The following SMARCA2 variants were observed in gnomAD, a reference collection of about 807,000 sequenced individuals.
SMARCA2 encodes the protein SWI/SNF-related matrix-associated actin-dependent regulator of chromatin subfamily A member 2.
SMARCA2 carries 61 observed loss-of-function variants against 199.8 expected under a neutral mutation model. The ratio of observed to expected loss-of-function variants is 0.31; its 90% CI spans 0.25 to 0.38. The LOEUF (loss-of-function observed/expected upper bound fraction) is 0.38, where lower values mean the gene tolerates loss of function less well. SMARCA2 is among the 10% of genes least tolerant of loss of function. The pLI is 1.00. For missense variants in SMARCA2, 1,344 were observed against 2,012.2 expected, an observed-to-expected ratio of 0.67 and a Z score of 6.35; for synonymous variants, 935 against 732.0, an observed-to-expected ratio of 1.28 and a Z score of -4.48.
At position 2,065,029 on chromosome 9, in the gene SMARCA2, C is replaced by CA. The variant is rs571191978; in HGVS notation, c.1692+4049dup. Among the ~76,000 whole-genome samples the CA allele has an allele frequency of 5.2e-4, 79 of 152,140 alleles. 1 individual carries two copies. The East Asian group carries it at 0.014, about 27-fold the overall frequency. Reference sequence around the variant, plus strand: ...GAAACCCCATCTCTACTAAAAAATACAAAAAATTAGCCGGGCGTGGTGGCA... The same window carrying CA: ...GAAACCCCATCTCTACTAAAAAATACAAAAAAATTAGCCGGGCGTGGTGGCA... On this transcript the variant is annotated intron_variant, in intron 9 of 33. Coordinates refer to ENST00000349721, the MANE Select transcript of SMARCA2 (RefSeq NM_003070.5).
chr9:2,186,276 G>A, intron 32 of SMARCA2, 48 bp downstream of exon 32: 1 of 1,566,148 alleles, frequency 6.4e-7, no homozygotes, highest in Non-Finnish European at 8.7e-7. Context: ...CTCCTCACCT[G>A]CATAGCTGTC....
intron 27 of SMARCA2, among the ~76,000 whole-genome samples, chr9:2,156,097 C>T (rs1208463409): frequency 6.6e-6 from 1 of 152,178 alleles, no homozygotes; most frequent in African/African-American, 2.4e-5. Flanking sequence ...GTGCTATACA[C>T]AGTTATTTTC....
At chr9:2,127,388 C>G (rs1365802613) in intron 27 of SMARCA2, among the ~76,000 whole-genome samples, 2 of 152,146 alleles carry the variant, frequency 1.3e-5, no homozygotes, top group Non-Finnish European at 2.9e-5. Flanking sequence ...AGATGGACCT[C>G]AACATGCCCT....
chr9:2,062,359 A>G (rs981603895), intron 9 of SMARCA2, among the ~76,000 whole-genome samples: 3 of 152,186 alleles, frequency 2.0e-5, no homozygotes, highest in Non-Finnish European at 2.9e-5. Context: ...AGAGGTTGTC[A>G]CTGTTAGTGT....
chr9:2,026,402 T>A (rs1291159495), intron 1 of SMARCA2, among the ~76,000 whole-genome samples: 1 of 152,188 alleles, frequency 6.6e-6, no homozygotes, highest in Non-Finnish European at 1.5e-5. Flanking sequence ...GTTTTCCCTC[T>A]AAGACGTTTT....
At chr9:2,184,859 TCTCG>T in intron 31 of SMARCA2, among the ~76,000 whole-genome samples, 1 of 152,070 alleles carries the variant, frequency 6.6e-6, no homozygotes, top group East Asian at 1.9e-4. Context: ...CCTCTCTCTC[TCTCG>T]CGCGGGTCCT....
chr9:2,159,915 T>C, intron 27 of SMARCA2: 1 of 1,609,278 alleles, frequency 6.2e-7, no homozygotes, highest in Non-Finnish European at 8.5e-7. Context: ...GTAAGGTAAA[T>C]ATCCTTTTTC....
chr9:2,168,252 C>G (rs1214365951), intron 28 of SMARCA2, among the ~76,000 whole-genome samples: 1 of 152,098 alleles, frequency 6.6e-6, no homozygotes, highest in East Asian at 1.9e-4. Context: ...CTCAGGTGAT[C>G]TGCCTTTCTC....
intron 3 of SMARCA2, among the ~76,000 whole-genome samples, chr9:2,036,793 T>C (rs1433382706): frequency 6.6e-6 from 1 of 152,226 alleles, no homozygotes; most frequent in East Asian, 1.9e-4. Flanking sequence ...CAGGTTCTTT[T>C]TTTCAGTTTG....
intron 9 of SMARCA2, among the ~76,000 whole-genome samples, chr9:2,067,627 G>A (rs1387774756): frequency 2.0e-5 from 3 of 152,070 alleles, no homozygotes; most frequent in Non-Finnish European, 2.9e-5. Flanking sequence ...TATGCAAGAG[G>A]GAACTAAGAC....
intron 27 of SMARCA2, among the ~76,000 whole-genome samples, chr9:2,149,175 A>G (rs1260928487): frequency 2.0e-5 from 3 of 151,304 alleles, no homozygotes; most frequent in Non-Finnish European, 4.4e-5. Context: ...AGGAGGCAAA[A>G]GGCACTTCTT....
intron 1 of SMARCA2, chr9:2,021,919 G>A (rs750020003): frequency 6.7e-6 from 1 of 149,378 alleles, no homozygotes; most frequent in Non-Finnish European, 1.5e-5. Context: ...GCAGAGGTGG[G>A]GGTGGTGGCA....
rs534029190 is a variant in SMARCA2 at position 2,156,666 on chromosome 9, G to A, written c.3982-5020G>A. Among the ~76,000 whole-genome samples, 4 of 152,164 alleles carry A rather than the reference G, an allele frequency of 2.6e-5. No individual in the cohort carries two copies. In the East Asian group the frequency reaches 7.7e-4, roughly 29 times the overall value. ...GGCTGGTCTCAAACTCCCTACCTCA[G>A]GTGATTGACCTGCTTTGGCCTCCCA... On this transcript the variant is annotated intron_variant, in intron 27 of 33. Transcript: ENST00000349721.
At chr9:2,072,704 T>C (rs1387029107) in intron 10 of SMARCA2, among the ~76,000 whole-genome samples, 1 of 152,204 alleles carries the variant, frequency 6.6e-6, no homozygotes, top group Non-Finnish European at 1.5e-5. Context: ...GTCTGCCTGA[T>C]TTAAATAAAA....
intron 1 of SMARCA2, among the ~76,000 whole-genome samples, chr9:2,026,390 A>G (rs190109201): frequency 2.0e-5 from 3 of 152,268 alleles, no homozygotes; most frequent in East Asian, 1.9e-4. Context: ...CCCTTCCAAC[A>G]TGTTTTCCCT....
rs371953971 is a variant in SMARCA2, at chr9:2,058,502, A to G, written c.1521+38A>G. ...CTGCAGGAGCCCAGGAAACTACTCA[A>G]CCCACGTCCGTCTGCAATGAGACCA... On this transcript the variant is annotated intron_variant, in intron 8 of 33. Transcript: ENST00000349721. 10 of 1,568,190 alleles carry G rather than the reference A, an allele frequency of 6.4e-6. No individual in the cohort carries two copies. In the African/African-American group the frequency reaches 9.5e-5, roughly 15 times the overall value.
intron 31 of SMARCA2, among the ~76,000 whole-genome samples, chr9:2,184,099 T>C (rs1212213045): frequency 6.6e-6 from 1 of 152,168 alleles, no homozygotes; most frequent in Non-Finnish European, 1.5e-5. Context: ...CTGCACTGTC[T>C]AGAATGAATT....
rs1822659743 is a variant in SMARCA2 at position 2,104,331 on chromosome 9, C to G, written c.3292+162C>G. Among the ~76,000 whole-genome samples, 1 of 152,126 alleles carries G rather than the reference C, an allele frequency of 6.6e-6. No individual in the cohort carries two copies. Among genetic ancestry groups the G allele is most frequent in the Non-Finnish European group, 1.5e-5 (1 of 68,018 alleles). ...GATAGCAATTTTTTGCATCCTTAAG[C>G]TTTAAATAAGCTGACCTCATTTGTG... On this transcript the variant is annotated intron_variant, in intron 23 of 33. Transcript: ENST00000349721. The surrounding 1 kb of genome is among the most constrained non-coding windows in gnomAD (Gnocchi z 4.0).
chr9:2,042,068 A>C (rs1819631149), intron 4 of SMARCA2: 1 of 152,218 alleles, frequency 6.6e-6, no homozygotes, highest in African/African-American at 2.4e-5. Context: ...AACCTATCAC[A>C]AAGTCTGTGT....
Sources: allele counts gnomAD v4.1 joint callset (sites outside exome capture counted in the v4.1 genomes callset), GRCh38; gene constraint gnomAD v4.1.1; non-coding constraint Gnocchi (gnomAD v3.1); transcripts MANE v1.5; gene names NCBI Gene and HGNC (gene_info 2026-07-23, HGNC 2026-07-21).